Variants in CDH18 observed in about 807,000 individuals in gnomAD.
CDH18 encodes the protein cadherin-18.
CDH18 carries 31 observed loss-of-function variants against 67.9 expected under a neutral mutation model. The ratio of observed to expected loss-of-function variants is 0.46; its 90% confidence interval spans 0.34 to 0.62. The LOEUF (loss-of-function observed/expected upper bound fraction) is 0.62, where lower values mean the gene tolerates loss of function less well. Among genes scored for constraint, CDH18 ranks in the 20% least tolerant of loss-of-function variants. The pLI, the probability that CDH18 is intolerant of heterozygous loss-of-function variation, is 0.01. For missense variants in CDH18, 890 were observed against 975.5 expected (o/e 0.91, Z 1.17); for synonymous variants, 362 against 347.2 (o/e 1.04, Z -0.48).
At chr5:19,766,595 A>G (rs1773122157) in intron 3 of CDH18, among the ~76,000 whole-genome samples, 1 of 152,138 alleles carries the variant, frequency 6.6e-6, no homozygotes, top group African/African-American at 2.4e-5. Flanking sequence ...TGCATAAAAT[A>G]TTTGAGAGCT....
At chr5:19,731,164 C>T (rs1309176839) in intron 4 of CDH18, among the ~76,000 whole-genome samples, 1 of 152,066 alleles carries the variant, frequency 6.6e-6, no homozygotes, top group Non-Finnish European at 1.5e-5. Context: ...AAAATGTCAT[C>T]TTCGGCCAGG....
At chr5:20,016,091 CA>C (rs1737852179) in intron 2 of CDH18, among the ~76,000 whole-genome samples, 1 of 151,950 alleles carries the variant, frequency 6.6e-6, no homozygotes, top group Non-Finnish European at 1.5e-5. Context: ...GACTGGATAA[CA>C]AAAATGTGGT....
chr5:20,016,331 G>A (rs553464836), intron 2 of CDH18, among the ~76,000 whole-genome samples: 1 of 152,132 alleles, frequency 6.6e-6, no homozygotes, highest in East Asian at 1.9e-4. Flanking sequence ...GGTTGGAGGA[G>A]GAAGAGGATC....
chr5:20,486,823 T>C (rs139733444), intron 1 of CDH18, among the ~76,000 whole-genome samples: 7 of 151,958 alleles, frequency 4.6e-5, no homozygotes, highest in African/African-American at 1.4e-4. Context: ...ATTTCTTTTA[T>C]GTTAACTTTT....
In CDH18 at chr5:20,278,309, C is replaced by G. The variant is rs554785503; in HGVS notation, c.-579-22804G>C. ...TAGGATGGATCTCCAACACACTTAG[C>G]AGCAGACCGTTTGGTGCAAATCTTA... On this transcript the variant is annotated intron_variant, in intron 1 of 14. Coordinates refer to the CDH18 transcript ENST00000507958. 7.2e-5 allele frequency among the ~76,000 whole-genome samples: 11 copies of G among 152,070 alleles called. No individual in the cohort carries two copies. The South Asian group carries it at 1.9e-3, about 26-fold the overall frequency.
At chr5:19,821,145 G>A (rs1779827809) in intron 3 of CDH18, among the ~76,000 whole-genome samples, 1 of 152,034 alleles carries the variant, frequency 6.6e-6, no homozygotes, top group African/African-American at 2.4e-5. Context: ...TCAGAGTTTG[G>A]ATGGCAAGGA....
chr5:19,897,881 G>A (rs72740866), intron 2 of CDH18, among the ~76,000 whole-genome samples: 10,819 of 152,040 alleles, frequency 0.071, 478 homozygotes, highest in Non-Finnish European at 0.11. Context: ...CCTTGTAGGG[G>A]GTGAACAGCA....
At chr5:20,418,439 C>T (rs1373563804) in intron 1 of CDH18, among the ~76,000 whole-genome samples, 3 of 151,516 alleles carry the variant, frequency 2.0e-5, no homozygotes. Context: ...CATACAACTC[C>T]TCCAGGGGAG....
chr5:20,104,787 C>T (rs1746784627), intron 2 of CDH18, among the ~76,000 whole-genome samples: 1 of 152,032 alleles, frequency 6.6e-6, no homozygotes, highest in Non-Finnish European at 1.5e-5. Context: ...ATAGGTCTTG[C>T]CTGTGTATTC....
At chr5:20,529,261 C>T (rs1756255554) in intron 1 of CDH18, among the ~76,000 whole-genome samples, 1 of 149,310 alleles carries the variant, frequency 6.7e-6, no homozygotes, top group South Asian at 2.1e-4. Flanking sequence ...AATAGCCTAC[C>T]AATGGGGAAA....
At chr5:19,918,917 A>T (rs1016787643) in intron 2 of CDH18, among the ~76,000 whole-genome samples, 3 of 152,132 alleles carry the variant, frequency 2.0e-5, no homozygotes, top group Non-Finnish European at 2.9e-5. Flanking sequence ...TCTGGTGGGT[A>T]AAAACCCAGA....
At chr5:20,501,893 TACACACACACAC>T (rs61655025) in intron 1 of CDH18, among the ~76,000 whole-genome samples, 1 of 145,016 alleles carries the variant, frequency 6.9e-6, no homozygotes, top group African/African-American at 2.5e-5. Context: ...AATACTTCCT[TACACACACACAC>T]ACACACACAC....
intron 1 of CDH18, among the ~76,000 whole-genome samples, chr5:20,521,968 A>T (rs1214807721): frequency 1.3e-5 from 2 of 152,218 alleles, no homozygotes; most frequent in Non-Finnish European, 2.9e-5. Context: ...ATTATGGGGT[A>T]CCTCAATATG....
intron 2 of CDH18, among the ~76,000 whole-genome samples, chr5:20,059,727 T>G (rs1478379436): frequency 6.6e-6 from 1 of 152,158 alleles, no homozygotes; most frequent in African/African-American, 2.4e-5. Context: ...TGCCCATCAG[T>G]GACTGGATAT....
intron 1 of CDH18, among the ~76,000 whole-genome samples, chr5:20,528,498 T>G (rs62352727): frequency 0.021 from 3,224 of 152,150 alleles, 67 homozygotes; most frequent in African/African-American, 0.044. Context: ...GATCACGTAA[T>G]TGGAGGTAAA....
chr5:20,222,754 C>T (rs983787819), intron 2 of CDH18, among the ~76,000 whole-genome samples: 1 of 151,906 alleles, frequency 6.6e-6, no homozygotes, highest in Non-Finnish European at 1.5e-5. Context: ...ACTTAGCCTC[C>T]AGGTAAATTC....
intron 1 of CDH18, among the ~76,000 whole-genome samples, chr5:20,508,905 C>T (rs2126475443): frequency 6.6e-6 from 1 of 152,096 alleles, no homozygotes; most frequent in South Asian, 2.1e-4. Context: ...CTAAAAAAGT[C>T]ACACCCTCCT....
Position 20,493,166 on chromosome 5 carries a change from T to C in CDH18, c.-580+82296A>G, listed in dbSNP as rs557462635. 2.6e-5 allele frequency among the ~76,000 whole-genome samples: 4 copies of C among 151,800 alleles called. No individual in the cohort carries two copies. The South Asian group carries it at 8.3e-4, about 32-fold the overall frequency. On this transcript the variant is annotated intron_variant, in intron 1 of 14. Transcript: ENST00000507958. ...GAGTTTGTGACCAGCCTGGCCAACA[T>C]GGTGATGTCCCTTCTCTACTAAAAA...
chr5:19,549,983 A>T (rs1302333417), intron 8 of CDH18, among the ~76,000 whole-genome samples: 1 of 152,066 alleles, frequency 6.6e-6, no homozygotes, highest in African/African-American at 2.4e-5. Context: ...TGTGCACCAG[A>T]GATCATCCAG....
Sources: gnomAD v4.1 joint callset for allele counts (sites outside exome capture counted in the v4.1 genomes callset) on GRCh38, gnomAD v4.1.1 for gene constraint, MANE v1.5 for transcripts, NCBI Gene and HGNC (gene_info 2026-07-23, HGNC 2026-07-21) for gene names.